GREB1L: variants seen among roughly 807,000 people sequenced by gnomAD.
GREB1L encodes GREB1 like retinoic acid receptor coactivator.
In GREB1L, 17 loss-of-function variants were observed where a neutral mutation model predicts 200.8. The observed-to-expected ratio is 0.08, with a 90% CI of 0.06 to 0.13. The LOEUF (loss-of-function observed/expected upper bound fraction) is 0.13, where lower values mean the gene tolerates loss of function less well. GREB1L is among the 10% of genes least tolerant of loss of function. The probability of loss-of-function intolerance (pLI) is 1.00; values close to 1 mark genes in which losing one functional copy is unlikely to be tolerated. For missense variants in GREB1L, 1,657 were observed against 2,367.7 expected (o/e 0.70, Z 6.23); for synonymous variants, 789 against 893.0 (o/e 0.88, Z 2.08).
At chr18:21,359,627 G>A (rs1406087668) in intron 1 of GREB1L, among the ~76,000 whole-genome samples, 1 of 152,198 alleles carries the variant, frequency 6.6e-6, no homozygotes, top group East Asian at 1.9e-4. Context: ...TTGAGGAACT[G>A]CGTCTCATCT....
chr18:21,384,468 T>C, intron 4 of GREB1L, 65 bp downstream of exon 4: 1 of 1,300,702 alleles, frequency 7.7e-7, no homozygotes, highest in East Asian at 2.5e-5. Context: ...TATTTCTAAT[T>C]ATTACATGAG....
At chr18:21,309,905 C>T (rs1291196461) in intron 1 of GREB1L, among the ~76,000 whole-genome samples, 1 of 152,098 alleles carries the variant, frequency 6.6e-6, no homozygotes, top group Non-Finnish European at 1.5e-5. Context: ...CCCCCCATCC[C>T]CTCCCCACAC....
intron 17 of GREB1L, among the ~76,000 whole-genome samples, chr18:21,482,868 C>A (rs1397024077): frequency 1.3e-5 from 2 of 151,988 alleles, no homozygotes; most frequent in Admixed American, 6.6e-5. Context: ...ATTCTCCCCC[C>A]AGAAATAGTG....
chr18:21,473,310 C>T (rs2035555406), intron 16 of GREB1L, 99 bp downstream of exon 16: 1 of 895,286 alleles, frequency 1.1e-6, no homozygotes, highest in Admixed American at 3.5e-5. Context: ...TGGCTCACAC[C>T]TGTAATCCCA....
At chr18:21,290,556 C>T (rs1267521966) in intron 1 of GREB1L, among the ~76,000 whole-genome samples, 1 of 152,184 alleles carries the variant, frequency 6.6e-6, no homozygotes, top group Non-Finnish European at 1.5e-5. Flanking sequence ...GGTGCAGTGG[C>T]TCATGCCTAT....
chr18:21,500,666 G>C, intron 23 of GREB1L, 24 bp downstream of exon 23: 1 of 1,452,898 alleles, frequency 6.9e-7, no homozygotes, highest in Non-Finnish European at 9.3e-7. Context: ...CCAGGGAGTG[G>C]GCAGAGGGGC....
At chr18:21,438,976 A>AG (rs983152100) in intron 7 of GREB1L, among the ~76,000 whole-genome samples, 7 of 141,690 alleles carry the variant, frequency 4.9e-5, no homozygotes, top group East Asian at 3.9e-4. Flanking sequence ...AAAAAAAAAA[A>AG]AAAGAAAAGA....
intron 14 of GREB1L, among the ~76,000 whole-genome samples, chr18:21,453,698 AG>A (rs1176759197): frequency 3.9e-5 from 6 of 152,182 alleles, no homozygotes; most frequent in Admixed American, 3.9e-4. Context: ...AGGTGTCTTC[AG>A]ATAGTCCAGG....
rs56776768 is a variant in GREB1L at position 21,426,973 on chromosome 18, C to CAA, written c.833-12535_833-12534dup. 2.1e-3 allele frequency among the ~76,000 whole-genome samples: 180 copies of CAA among 83,778 alleles called. 1 individual carries two copies. The highest frequency in any genetic ancestry group is 5.4e-3 in the African/African-American group (169 of 31,098). The allele number at this position is 83,778 out of a possible 152,430, so 55.0% of individuals were successfully genotyped here. On this transcript the variant is annotated intron_variant, in intron 7 of 32. Coordinates refer to ENST00000424526, the MANE Select transcript of GREB1L (RefSeq NM_001142966.3). Reference sequence around the variant, plus strand: ...GACTACGTCTCAAAAAAAAAAAAAACAAAAAAAAAAAAAACAAAAAAAAAA... The same window carrying CAA: ...GACTACGTCTCAAAAAAAAAAAAAACAAAAAAAAAAAAAAAACAAAAAAAAAA...
intron 27 of GREB1L, among the ~76,000 whole-genome samples, chr18:21,513,522 A>G (rs1345544302): frequency 6.6e-6 from 1 of 152,226 alleles, no homozygotes; most frequent in East Asian, 1.9e-4. Flanking sequence ...GATTCTTGCA[A>G]TACTTTCAAA....
intron 1 of GREB1L, among the ~76,000 whole-genome samples, chr18:21,279,823 G>A (rs1310573829): frequency 6.6e-6 from 1 of 152,012 alleles, no homozygotes; most frequent in African/African-American, 2.4e-5. Context: ...GATTTAGCAG[G>A]TTTTTAAAAA....
intron 16 of GREB1L, among the ~76,000 whole-genome samples, chr18:21,474,162 C>T (rs899691812): frequency 6.6e-6 from 1 of 152,218 alleles, no homozygotes; most frequent in Non-Finnish European, 1.5e-5. Flanking sequence ...GCCTTCCCAA[C>T]AGTCTCCCAA....
At chr18:21,266,590 C>T (rs1239026317) in intron 1 of GREB1L, among the ~76,000 whole-genome samples, 3 of 152,232 alleles carry the variant, frequency 2.0e-5, no homozygotes, top group South Asian at 2.1e-4. Flanking sequence ...ATATTGTGTT[C>T]GTGCCTACTA....
intron 15 of GREB1L, among the ~76,000 whole-genome samples, chr18:21,463,870 A>G (rs2035159431): frequency 6.6e-6 from 1 of 152,202 alleles, no homozygotes; most frequent in Non-Finnish European, 1.5e-5. Flanking sequence ...CTGAAGTGGA[A>G]ACATTTCTGG....
Position 21,499,790 on chromosome 18 carries a change from C to A in GREB1L, c.3453C>A (p.Ser1151=). ...CAGCTGACAAGTCCCAGAAGCAGTC[C>A]CTGACCCCCAGCTTTCAGAGCCCAG... is the stretch of plus-strand genomic sequence containing the variant. ...SSTADKSQKQ[S]LTPSFQSPAT... The change falls in exon 22 of 33, where the codon TCC becomes TCA. Residue 1151 remains serine (S), a synonymous_variant. Transcript: ENST00000424526. The A allele has an allele frequency of 6.4e-7, 1 of 1,552,012 alleles. No homozygotes were observed. The highest frequency in any genetic ancestry group is 8.7e-7 in the Non-Finnish European group (1 of 1,147,054).
chr18:21,482,962 A>T (rs2035981242), intron 17 of GREB1L, among the ~76,000 whole-genome samples: 1 of 152,178 alleles, frequency 6.6e-6, no homozygotes, highest in Non-Finnish European at 1.5e-5. Context: ...AGTTTAAAGG[A>T]TGGTTCCACT....
intron 1 of GREB1L, among the ~76,000 whole-genome samples, chr18:21,363,341 GC>G (rs1431082469): frequency 7.3e-6 from 1 of 136,060 alleles, no homozygotes; most frequent in Non-Finnish European, 1.5e-5. Flanking sequence ...TGAGTGAATT[GC>G]CCCGATATAA....
chr18:21,256,079 T>C (rs2144036694), intron 1 of GREB1L, among the ~76,000 whole-genome samples: 1 of 152,354 alleles, frequency 6.6e-6, no homozygotes, highest in South Asian at 2.1e-4. Context: ...TATATGAGGA[T>C]GTTCCCCATA....
At chr18:21,477,447 C>A in intron 17 of GREB1L, 91 bp downstream of exon 17, 1 of 989,410 alleles carries the variant, frequency 1.0e-6, no homozygotes, top group Non-Finnish European at 1.4e-6. Context: ...TGGCTTAAGA[C>A]CATATTCATA....
Sources: gnomAD v4.1 joint callset for allele counts (sites outside exome capture counted in the v4.1 genomes callset) on GRCh38, gnomAD v4.1.1 for gene constraint, MANE v1.5 for transcripts, NCBI Gene and HGNC (gene_info 2026-07-23, HGNC 2026-07-21) for gene names.